Variants in CLDN14 observed in about 807,000 individuals in gnomAD.
The protein encoded by CLDN14 is claudin 14.
A neutral mutation model predicts 2.1 loss-of-function variants in CLDN14; 2 were observed. The ratio of observed to expected loss-of-function variants is 0.96; its 90% CI spans 0.39 to 3.01. The LOEUF is 3.01. Among genes scored for constraint, CLDN14 ranks in the 30% most tolerant of loss-of-function variants. The pLI is 0.09. For synonymous variants in CLDN14, 136 were observed against 154.4 expected, an observed-to-expected ratio of 0.88 and a Z score of 0.88; for missense variants, 298 against 328.0, an observed-to-expected ratio of 0.91 and a Z score of 0.71.
chr21:36,552,997 A>T (rs954784534), intron 1 of CLDN14, among the ~76,000 whole-genome samples: 9 of 152,194 alleles, frequency 5.9e-5, no homozygotes, highest in African/African-American at 2.2e-4. Flanking sequence ...TAAGTGGGAT[A>T]ACCCAGGTTT....
chr21:36,565,976 T>C (rs564761806), intron 1 of CLDN14, among the ~76,000 whole-genome samples: 29 of 152,250 alleles, frequency 1.9e-4, no homozygotes, highest in Non-Finnish European at 4.1e-4. Context: ...AGTTATTTTT[T>C]AGTCTAGTTT....
At position 36,544,653 on chromosome 21, in the gene CLDN14, G is replaced by A. The variant is rs571340690; in HGVS notation, c.-220+31758C>T. On this transcript the variant is annotated intron_variant, in intron 1 of 2. Coordinates refer to the CLDN14 transcript ENST00000342108. This position sits in a 1 kb window ranked among gnomAD's most constrained non-coding sequence, Gnocchi z 4.1. ...TCTGTATTTTATCCAAATATGCCGT[G>A]GACTTTGAAATGAACTCTTTACACC... 1.1e-4 allele frequency among the ~76,000 whole-genome samples: 17 copies of A among 152,280 alleles called. No individual in the cohort carries two copies. In the South Asian group the frequency reaches 3.3e-3, roughly 30 times the overall value.
intron 1 of CLDN14, among the ~76,000 whole-genome samples, chr21:36,552,524 T>C (rs774934363): frequency 8.5e-5 from 13 of 152,212 alleles, no homozygotes; most frequent in Non-Finnish European, 1.8e-4. Flanking sequence ...GCTGGAAATT[T>C]TGCCCAGAAT....
In CLDN14 at chr21:36,461,211, T is replaced by C; in HGVS notation, c.485A>G (p.Gln162Arg). Reference sequence around the variant, plus strand: ...GGAGATGAAGCCCAGGTACAGGGCCTGGCCAATCTCAAACTTCATGCCGCT... The same window carrying C: ...GGAGATGAAGCCCAGGTACAGGGCCCGGCCAATCTCAAACTTCATGCCGCT... ...LPSGMKFEIG[Q>R]ALYLGFISSS... Residue 162 changes from glutamine to arginine, a missense_variant, in exon 2 of 2, where the codon CAG becomes CGG. Transcript: ENST00000399135. 6.2e-7 allele frequency: 1 copy of C among 1,614,120 alleles called. No homozygotes were observed. Among genetic ancestry groups the C allele is most frequent in the Non-Finnish European group, 8.5e-7 (1 of 1,180,008 alleles).
chr21:36,485,969 C>G (rs7277324), intron 2 of CLDN14: 318,266 of 1,396,748 alleles, frequency 0.23, 40,311 homozygotes, highest in African/African-American at 0.47. Context: ...CTCAGCTACC[C>G]TTTCCCTCCA....
intron 1 of CLDN14, among the ~76,000 whole-genome samples, chr21:36,473,610 T>C (rs1453337552): frequency 6.6e-6 from 1 of 152,220 alleles, no homozygotes; most frequent in Non-Finnish European, 1.5e-5. Flanking sequence ...TGGTTGCATA[T>C]GTAAGTGCAG....
chr21:36,502,572 T>C (rs528348036), intron 2 of CLDN14, among the ~76,000 whole-genome samples: 1 of 152,346 alleles, frequency 6.6e-6, no homozygotes, highest in South Asian at 2.1e-4. Flanking sequence ...GCTACTGTTT[T>C]ACACTTCATC....
At chr21:36,546,717 CT>C (rs1423293932) in intron 1 of CLDN14, among the ~76,000 whole-genome samples, 1 of 152,160 alleles carries the variant, frequency 6.6e-6, no homozygotes, top group African/African-American at 2.4e-5. Context: ...CATCACCAAA[CT>C]TCAATAATTT....
rs937902181 is a variant in CLDN14, at chr21:36,480,092, T to A, written c.-679A>T. Reference sequence around the variant, plus strand: ...CCTCCTCTGAGCCACCACCTGGCGGTTGTCCTCACACTGCTTTGGACTTTT... The same window carrying A: ...CCTCCTCTGAGCCACCACCTGGCGGATGTCCTCACACTGCTTTGGACTTTT... On this transcript the variant is annotated 5_prime_UTR_variant, in exon 1 of 2. Transcript: ENST00000399135. The A allele has an allele frequency of 2.0e-5, 3 of 152,506 alleles. No individual in the cohort carries two copies. Among genetic ancestry groups the A allele is most frequent in the African/African-American group, 7.2e-5 (3 of 41,464 alleles). The allele number at this position is 152,506 out of a possible 1,614,324, so 9.4% of individuals were successfully genotyped here. A position where few individuals can be genotyped will look rare whatever the true frequency, so the allele number is the denominator to read the frequency against.
intron 1 of CLDN14, among the ~76,000 whole-genome samples, chr21:36,554,204 T>G (rs1181920289): frequency 6.6e-6 from 1 of 152,202 alleles, no homozygotes; most frequent in Admixed American, 6.5e-5. Flanking sequence ...ATATGGCCCT[T>G]TCATGAGACA....
At chr21:36,485,843 G>T in intron 2 of CLDN14, 2 of 511,446 alleles carry the variant, frequency 3.9e-6, no homozygotes, top group South Asian at 5.4e-5. Context: ...GAAATGAGAG[G>T]TTCCATTTCC....
intron 1 of CLDN14, among the ~76,000 whole-genome samples, chr21:36,549,320 G>A (rs747374462): frequency 3.4e-5 from 5 of 149,052 alleles, no homozygotes; most frequent in East Asian, 3.9e-4. Flanking sequence ...GCCCCCCTCC[G>A]GCTACTGAGA....
rs1331095775 is a variant in CLDN14, at chr21:36,544,095, G to T, written c.-220+32316C>A. Among the ~76,000 whole-genome samples, 2 of 152,226 alleles carry T rather than the reference G, an allele frequency of 1.3e-5. No homozygotes were observed. The highest frequency in any genetic ancestry group is 2.9e-5 in the Non-Finnish European group (2 of 68,034). On this transcript the variant is annotated intron_variant, in intron 1 of 2. Coordinates refer to the CLDN14 transcript ENST00000342108. The surrounding 1 kb of genome is among the most constrained non-coding windows in gnomAD (Gnocchi z 4.1). ...CCGGGTTTCAATTTGGGGACCCAAT[G>T]GGTGACACCCAGGAACCCAGAAGCC...
At chr21:36,534,080 A>G (rs2087405092) in intron 1 of CLDN14, among the ~76,000 whole-genome samples, 1 of 152,128 alleles carries the variant, frequency 6.6e-6, no homozygotes, top group African/African-American at 2.4e-5. Context: ...AGCTTAGTTC[A>G]CTGGAGTGAA....
upstream of CLDN14, among the ~76,000 whole-genome samples, chr21:36,482,116 T>C (rs146151919): frequency 1.1e-4 from 16 of 152,364 alleles, no homozygotes; most frequent in African/African-American, 3.8e-4. Context: ...TGACTCATAA[T>C]GGCTCAACAT....
intron 2 of CLDN14, among the ~76,000 whole-genome samples, chr21:36,504,613 A>G (rs1443414332): frequency 6.6e-6 from 1 of 152,198 alleles, no homozygotes; most frequent in Non-Finnish European, 1.5e-5. Context: ...GAAGTGTACA[A>G]TTATTTAAAA....
intron 1 of CLDN14, among the ~76,000 whole-genome samples, chr21:36,524,344 A>G (rs2087306129): frequency 6.6e-6 from 1 of 152,094 alleles, no homozygotes; most frequent in Admixed American, 6.5e-5. Flanking sequence ...CTGGTCACAA[A>G]CTCCAGGGCT....
At chr21:36,539,943 A>AGTGTATGTGTAGCATGTGGAGT (rs1394013342) in intron 1 of CLDN14, among the ~76,000 whole-genome samples, 12 of 150,932 alleles carry the variant, frequency 8.0e-5, no homozygotes, top group Non-Finnish European at 1.6e-4. Flanking sequence ...GTGTGGAGTG[A>AGTGTATGTGTAGCATGTGGAGT]GTGTATGTGT....
At chr21:36,482,424 GGATGGATGGATGGATGGATGGATGGATA>G, upstream of CLDN14, among the ~76,000 whole-genome samples, 11 of 148,948 alleles carry the variant, frequency 7.4e-5, no homozygotes, top group African/African-American at 2.6e-4. Context: ...ATGGATGGAT[GGATGGATGGATGGATGGATGGATGGATA>G]GATGGATGGA....
Sources: allele counts gnomAD v4.1 joint callset (sites outside exome capture counted in the v4.1 genomes callset), GRCh38; gene constraint gnomAD v4.1.1; non-coding constraint Gnocchi (gnomAD v3.1); transcripts MANE v1.5; gene names NCBI Gene and HGNC (gene_info 2026-07-23, HGNC 2026-07-21).